The following PSD3 variants were observed in gnomAD, a reference collection of about 807,000 sequenced individuals.
PSD3 encodes the protein pleckstrin and Sec7 domain containing 3.
A neutral mutation model predicts 105.5 loss-of-function variants in PSD3; 49 were observed. That is an observed-to-expected ratio of 0.46 (90% CI 0.37 to 0.59). The LOEUF is 0.59. PSD3 is among the 20% of genes least tolerant of loss of function. The pLI is 0.00. For missense variants in PSD3, 1,561 were observed against 1,263.8 expected, an observed-to-expected ratio of 1.24 and a Z score of -3.57; for synonymous variants, 557 against 457.8, an observed-to-expected ratio of 1.22 and a Z score of -2.77.
chr8:18,976,368 T>C (rs1377527345), intron 1 of PSD3, among the ~76,000 whole-genome samples: 3 of 152,222 alleles, frequency 2.0e-5, no homozygotes, highest in Non-Finnish European at 2.9e-5. Flanking sequence ...TTAAAAATTG[T>C]AGCATCTGTG....
At chr8:18,936,581 G>C (rs1166990642) in intron 1 of PSD3, among the ~76,000 whole-genome samples, 1 of 152,026 alleles carries the variant, frequency 6.6e-6, no homozygotes, top group African/African-American at 2.4e-5. Flanking sequence ...GACCTACATG[G>C]TGAAACCCCA....
At chr8:18,806,982 A>C (rs1337344369) in intron 4 of PSD3, among the ~76,000 whole-genome samples, 1 of 152,166 alleles carries the variant, frequency 6.6e-6, no homozygotes, top group East Asian at 1.9e-4. Flanking sequence ...ACAACTCTGA[A>C]TATGCCCAAA....
chr8:18,797,347 C>A (rs1013086807), intron 8 of PSD3, among the ~76,000 whole-genome samples: 2 of 152,102 alleles, frequency 1.3e-5, no homozygotes, highest in South Asian at 2.1e-4. Flanking sequence ...GCCACGACTG[C>A]CAATTATTAA....
At chr8:18,993,330 C>CAT (rs1563493547) in intron 1 of PSD3, among the ~76,000 whole-genome samples, 1 of 152,194 alleles carries the variant, frequency 6.6e-6, no homozygotes, top group Non-Finnish European at 1.5e-5. Flanking sequence ...TCACCACTCA[C>CAT]ATACCTGTTC....
At chr8:18,670,530 G>A (rs929737464) in intron 9 of PSD3, among the ~76,000 whole-genome samples, 1 of 152,134 alleles carries the variant, frequency 6.6e-6, no homozygotes, top group Non-Finnish European at 1.5e-5. Flanking sequence ...GCAGGCAGTG[G>A]CGGATTAGGG....
upstream of PSD3, among the ~76,000 whole-genome samples, chr8:19,018,507 A>T (rs184922920): frequency 8.5e-5 from 13 of 152,338 alleles, no homozygotes; most frequent in Admixed American, 2.6e-4. Flanking sequence ...AAAAGAAAAA[A>T]CATATAATTT....
At chr8:18,883,449 C>A (rs1416211216) in intron 2 of PSD3, among the ~76,000 whole-genome samples, 1 of 152,178 alleles carries the variant, frequency 6.6e-6, no homozygotes, top group African/African-American at 2.4e-5. Flanking sequence ...TGTAATATGA[C>A]CCCTTCTTGA....
intron 15 of PSD3, among the ~76,000 whole-genome samples, chr8:18,547,677 C>T (rs1030446098): frequency 1.3e-5 from 2 of 152,188 alleles, no homozygotes; most frequent in African/African-American, 4.8e-5. Flanking sequence ...TGTAAGCCAT[C>T]TTGCAGACAT....
rs1225970075 is a variant in PSD3, at chr8:18,529,476, T to C, written c.*6267A>G. On this transcript the variant is annotated 3_prime_UTR_variant, in exon 16 of 16. Coordinates refer to ENST00000327040, the MANE Select transcript of PSD3 (RefSeq NM_015310.4). ...TCCCAGACATGTCAACTTTTCTCCTTATACACCTAAGGGGACAGTCAACTG... is the reference window on the plus strand; with the variant it reads ...TCCCAGACATGTCAACTTTTCTCCTCATACACCTAAGGGGACAGTCAACTG... The C allele has an allele frequency of 6.6e-6, 1 of 152,548 alleles. No homozygotes were observed. Among genetic ancestry groups the C allele is most frequent in the Non-Finnish European group, 1.5e-5 (1 of 68,034 alleles). 9.4% of individuals were successfully genotyped at this position (152,548 alleles called of 1,614,324 possible).
At chr8:18,882,844 T>TAC (rs1352161005) in intron 2 of PSD3, among the ~76,000 whole-genome samples, 6 of 151,532 alleles carry the variant, frequency 4.0e-5, no homozygotes, top group African/African-American at 1.5e-4. Context: ...TGTAGATATA[T>TAC]ATACACACAC....
chr8:19,001,111 T>C (rs1055379767), intron 1 of PSD3, among the ~76,000 whole-genome samples: 5 of 151,308 alleles, frequency 3.3e-5, no homozygotes, highest in African/African-American at 1.2e-4. Flanking sequence ...GACTTTTTTT[T>C]TTAGATAAGA....
chr8:18,684,557 T>C (rs1800560294), intron 9 of PSD3, among the ~76,000 whole-genome samples: 1 of 152,202 alleles, frequency 6.6e-6, no homozygotes, highest in Non-Finnish European at 1.5e-5. Flanking sequence ...AATTTTCCTT[T>C]CTTTCCCGTT....
At chr8:18,795,769 C>A (rs1024992924) in intron 8 of PSD3, among the ~76,000 whole-genome samples, 8 of 152,208 alleles carry the variant, frequency 5.3e-5, no homozygotes, top group East Asian at 1.9e-4. Flanking sequence ...ATTTGAAGAT[C>A]CATCCAGAAA....
At chr8:18,542,873 T>C (rs1013514071) in intron 15 of PSD3, among the ~76,000 whole-genome samples, 3 of 152,220 alleles carry the variant, frequency 2.0e-5, no homozygotes, top group African/African-American at 7.2e-5. Flanking sequence ...GGTTATGTTA[T>C]TAAAGATTTT....
intron 1 of PSD3, among the ~76,000 whole-genome samples, chr8:18,945,968 A>G (rs1586495078): frequency 6.6e-6 from 1 of 152,130 alleles, no homozygotes. Flanking sequence ...GTGAGACTCC[A>G]TCTCCAAAAA....
intron 4 of PSD3, among the ~76,000 whole-genome samples, chr8:18,866,551 T>G (rs1310924763): frequency 6.6e-6 from 1 of 152,228 alleles, no homozygotes; most frequent in African/African-American, 2.4e-5. Flanking sequence ...CAAAGTCTTG[T>G]GGTTTTGACA....
intron 14 of PSD3, among the ~76,000 whole-genome samples, chr8:18,566,691 G>A (rs972487910): frequency 1.3e-5 from 2 of 152,006 alleles, no homozygotes; most frequent in African/African-American, 4.8e-5. Context: ...GAAATGATAC[G>A]GTTACCTTGT....
intron 1 of PSD3, among the ~76,000 whole-genome samples, chr8:18,968,063 C>A (rs1216333928): frequency 1.3e-5 from 1 of 74,602 alleles, no homozygotes; most frequent in Admixed American, 1.8e-4. Flanking sequence ...ATCTCAAGCT[C>A]CTCACGGTGG....
intron 9 of PSD3, among the ~76,000 whole-genome samples, chr8:18,740,341 C>G (rs979913657): frequency 2.0e-5 from 3 of 152,158 alleles, no homozygotes; most frequent in Non-Finnish European, 2.9e-5. Context: ...TCAACTGCAC[C>G]CTTTCTGTTC....
Sources: gnomAD v4.1 joint callset for allele counts (sites outside exome capture counted in the v4.1 genomes callset) on GRCh38, gnomAD v4.1.1 for gene constraint, MANE v1.5 for transcripts, NCBI Gene and HGNC (gene_info 2026-07-23, HGNC 2026-07-21) for gene names.